PPP4R2: variants seen among roughly 807,000 people sequenced by gnomAD.
The protein encoded by PPP4R2 is protein phosphatase 4 regulatory subunit 2.
A neutral mutation model predicts 47.2 loss-of-function variants in PPP4R2; 13 were observed. That is an observed-to-expected ratio of 0.28 (90% CI 0.18 to 0.44). PPP4R2 has a LOEUF of 0.44. PPP4R2 is among the 20% of genes least tolerant of loss of function. The probability of loss-of-function intolerance (pLI) is 1.00; values close to 1 mark genes in which losing one functional copy is unlikely to be tolerated. For missense variants in PPP4R2, 421 were observed against 491.2 expected (o/e 0.86, Z 1.35); for synonymous variants, 151 against 163.3 (o/e 0.92, Z 0.57).
intron 2 of PPP4R2, among the ~76,000 whole-genome samples, chr3:73,008,307 G>A (rs1232768457): frequency 1.3e-5 from 2 of 152,168 alleles, no homozygotes; most frequent in Non-Finnish European, 2.9e-5. Context: ...ATATTCCAGT[G>A]AGTGAAGTTA....
intron 4 of PPP4R2, among the ~76,000 whole-genome samples, chr3:73,060,735 A>C (rs879784388): frequency 2.0e-5 from 3 of 152,162 alleles, no homozygotes; most frequent in Non-Finnish European, 4.4e-5. Context: ...TAGTTACTCT[A>C]CTACGTATAG....
intron 2 of PPP4R2, chr3:73,027,978 G>A (rs1278540683): frequency 2.7e-5 from 4 of 149,188 alleles, no homozygotes; most frequent in Admixed American, 2.7e-4. Flanking sequence ...GGGGTGGGCT[G>A]GGCACTAGTG....
intron 2 of PPP4R2, among the ~76,000 whole-genome samples, chr3:73,029,098 G>A (rs1406726870): frequency 6.6e-6 from 1 of 152,136 alleles, no homozygotes; most frequent in Non-Finnish European, 1.5e-5. Flanking sequence ...GGCTTGCACC[G>A]CCATGCCTGG....
intron 5 of PPP4R2, chr3:73,061,810 G>A (rs897584344): frequency 5.6e-5 from 20 of 355,132 alleles, no homozygotes; most frequent in South Asian, 4.4e-4. Flanking sequence ...TGATCCTCCC[G>A]CCTTGGCCTT....
intron 2 of PPP4R2, chr3:73,014,775 A>T (rs902650): frequency 5.0e-6 from 2 of 399,908 alleles, no homozygotes; most frequent in Non-Finnish European, 8.8e-6. Flanking sequence ...GACTAAAAAA[A>T]TTGCCTGTAT....
intron 2 of PPP4R2, among the ~76,000 whole-genome samples, chr3:73,024,292 A>G (rs1001425606): frequency 3.3e-5 from 5 of 152,180 alleles, no homozygotes; most frequent in African/African-American, 9.6e-5. Context: ...TTATCAAACT[A>G]AAATCAAGGG....
intron 2 of PPP4R2, among the ~76,000 whole-genome samples, chr3:73,044,843 G>A (rs1234592271): frequency 6.6e-6 from 1 of 152,028 alleles, no homozygotes; most frequent in Non-Finnish European, 1.5e-5. Context: ...ATATAATCTG[G>A]ATATTAACCC....
At chr3:73,024,574 T>C (rs936730459) in intron 2 of PPP4R2, among the ~76,000 whole-genome samples, 1 of 152,186 alleles carries the variant, frequency 6.6e-6, no homozygotes, top group African/African-American at 2.4e-5. Flanking sequence ...GCATTTTAAA[T>C]ATTAAATGGT....
chr3:73,021,725 T>C (rs1701962625), intron 2 of PPP4R2, among the ~76,000 whole-genome samples: 2 of 152,074 alleles, frequency 1.3e-5, no homozygotes, highest in South Asian at 2.1e-4. Flanking sequence ...TCAACAAATA[T>C]TTATTGAGTA....
intron 2 of PPP4R2, among the ~76,000 whole-genome samples, chr3:73,021,951 C>T (rs1398184146): frequency 6.9e-6 from 1 of 144,386 alleles, no homozygotes; most frequent in Non-Finnish European, 1.5e-5. Flanking sequence ...GGTTGGAGTG[C>T]AGTGGCACAG....
intron 2 of PPP4R2, among the ~76,000 whole-genome samples, chr3:73,020,848 T>G (rs1329545720): frequency 6.6e-6 from 1 of 152,022 alleles, no homozygotes; most frequent in Non-Finnish European, 1.5e-5. Flanking sequence ...AATTGGTGTG[T>G]CCTCACATGG....
At chr3:73,004,678 TAA>T (rs1701557133) in intron 2 of PPP4R2, among the ~76,000 whole-genome samples, 1 of 152,184 alleles carries the variant, frequency 6.6e-6, no homozygotes. Flanking sequence ...CTCCCGAGCT[TAA>T]GTGATCTGCC....
chr3:73,012,915 T>C (rs1274215924), intron 2 of PPP4R2, among the ~76,000 whole-genome samples: 2 of 151,776 alleles, frequency 1.3e-5, no homozygotes, highest in Non-Finnish European at 2.9e-5. Context: ...TTTTTTTTTT[T>C]TTTTTAAACC....
At position 73,062,069 on chromosome 3, in the gene PPP4R2, A is replaced by G. The variant is rs753124726; in HGVS notation, c.419+1009A>G. The G allele has an allele frequency of 2.6e-6, 4 of 1,513,374 alleles. No individual in the cohort carries two copies. The African/African-American group carries it at 5.6e-5, about 21-fold the overall frequency. The allele number at this position is 1,513,374 out of a possible 1,614,324, so 93.7% of individuals were successfully genotyped here. A position where few individuals can be genotyped will look rare whatever the true frequency, so the allele number is the denominator to read the frequency against. On this transcript the variant is annotated intron_variant, in intron 5 of 8. Coordinates refer to ENST00000356692, the MANE Select transcript of PPP4R2 (RefSeq NM_174907.4). ...TGGTAAAGAAGTGCAGAGTCAAGTC[A>G]TAGCGACTAATAATGGGTTATTTTC...
intron 2 of PPP4R2, among the ~76,000 whole-genome samples, chr3:73,028,780 A>AG (rs1353673761): frequency 6.6e-6 from 1 of 152,080 alleles, no homozygotes; most frequent in Non-Finnish European, 1.5e-5. Flanking sequence ...AGCCTTAAGT[A>AG]GGACTAGTGT....
At chr3:73,049,045 A>C (rs954577703) in intron 3 of PPP4R2, among the ~76,000 whole-genome samples, 6 of 152,162 alleles carry the variant, frequency 3.9e-5, no homozygotes, top group African/African-American at 1.4e-4. Context: ...AAATTATTTA[A>C]CCAATATGTG....
In PPP4R2 at chr3:73,029,808, G is replaced by GA. The variant is rs368788263; in HGVS notation, c.117-17374dup. ...TAAGCAGTTTGGGAAACCAGAAAAG[G>GA]AAAATGAACAAGAAAGATAAAAGGA... On this transcript the variant is annotated intron_variant, in intron 2 of 8. Coordinates refer to ENST00000356692, the MANE Select transcript of PPP4R2 (RefSeq NM_174907.4). Among the ~76,000 whole-genome samples the GA allele has an allele frequency of 2.5e-4, 38 of 152,242 alleles. 1 individual carries two copies. Among genetic ancestry groups the GA allele is most frequent in the African/African-American group, 8.9e-4 (37 of 41,536 alleles).
intron 2 of PPP4R2, among the ~76,000 whole-genome samples, chr3:73,000,425 G>T (rs751322654): frequency 6.6e-5 from 10 of 152,164 alleles, no homozygotes; most frequent in Non-Finnish European, 1.2e-4. Context: ...ACTGTTTATG[G>T]ATCAAAATCA....
rs1701949683 is a variant in PPP4R2 at position 73,021,046 on chromosome 3, G to C, written c.116+22888G>C. 2.0e-5 allele frequency among the ~76,000 whole-genome samples: 3 copies of C among 152,056 alleles called. No individual in the cohort carries two copies. In the South Asian group the frequency reaches 6.2e-4, roughly 32 times the overall value. On this transcript the variant is annotated intron_variant, in intron 2 of 8. Transcript: ENST00000356692. ...TATGTAACACTTGTCAAAGATTTGT[G>C]CATTAGTCTATGTTGCTTAATGTTT...
Sources: gnomAD v4.1 joint callset for allele counts (sites outside exome capture counted in the v4.1 genomes callset) on GRCh38, gnomAD v4.1.1 for gene constraint, MANE v1.5 for transcripts, NCBI Gene and HGNC (gene_info 2026-07-23, HGNC 2026-07-21) for gene names.